The following DPP4 variants were observed in gnomAD, a reference collection of about 807,000 sequenced individuals.
DPP4 encodes ADCP-2.
In DPP4, 93 loss-of-function variants were observed where a neutral mutation model predicts 122.4. The ratio of observed to expected loss-of-function variants is 0.76; its 90% CI spans 0.64 to 0.90. The LOEUF (loss-of-function observed/expected upper bound fraction) is 0.90. Among genes scored for constraint, DPP4 ranks in the 40% least tolerant of loss-of-function variants. The pLI is 0.00. For missense variants in DPP4, 914 were observed against 907.3 expected (o/e 1.01, Z -0.09); for synonymous variants, 321 against 302.9 (o/e 1.06, Z -0.62).
intron 18 of DPP4, among the ~76,000 whole-genome samples, chr2:162,015,780 T>C (rs1009166603): frequency 1.3e-5 from 2 of 152,186 alleles, no homozygotes; most frequent in Admixed American, 1.3e-4. Flanking sequence ...CCAGTGTTCA[T>C]GACTGAAATA....
intron 10 of DPP4, among the ~76,000 whole-genome samples, chr2:162,031,110 T>C (rs1213617634): frequency 6.6e-6 from 1 of 152,186 alleles, no homozygotes; most frequent in Non-Finnish European, 1.5e-5. Flanking sequence ...TTAACTAACT[T>C]ATTCAAATAT....
At chr2:162,005,277 C>G (rs1469524823) in intron 23 of DPP4, among the ~76,000 whole-genome samples, 2 of 152,088 alleles carry the variant, frequency 1.3e-5, no homozygotes, top group African/African-American at 4.8e-5. Flanking sequence ...CCCAACTGTA[C>G]CTACCTCTCA....
chr2:162,033,669 C>A lies in DPP4; in HGVS notation c.775-16G>T. On this transcript the variant is annotated splice_polypyrimidine_tract_variant and intron_variant, in intron 9 of 25. Transcript: ENST00000360534. ...CAGCTCCTGCCTAGGAAAAAATAAT[C>A]ACAGAATTGGTATTGACAAAAAAAA... is the stretch of plus-strand genomic sequence containing the variant. 6.4e-7 allele frequency: 1 copy of A among 1,558,428 alleles called. No individual in the cohort carries two copies. The highest frequency in any genetic ancestry group is 8.7e-7 in the Non-Finnish European group (1 of 1,147,868).
intron 5 of DPP4, among the ~76,000 whole-genome samples, chr2:162,045,154 T>A (rs971534212): frequency 3.7e-4 from 56 of 152,000 alleles, no homozygotes; most frequent in Non-Finnish European, 6.8e-4. Context: ...CACATATCTA[T>A]GGAGGCTCTT....
chr2:162,067,000 C>A (rs891215710), intron 2 of DPP4, among the ~76,000 whole-genome samples: 2 of 152,248 alleles, frequency 1.3e-5, no homozygotes, highest in Non-Finnish European at 2.9e-5. Context: ...GACAAATACG[C>A]AATCATAGCA....
chr2:162,064,719 A>G (rs1440972761), intron 2 of DPP4, among the ~76,000 whole-genome samples: 1 of 152,212 alleles, frequency 6.6e-6, no homozygotes, highest in Non-Finnish European at 1.5e-5. Context: ...ATATTTTAAC[A>G]TTGCAATTCA....
At chr2:162,034,755 T>C (rs1683705805) in intron 9 of DPP4, among the ~76,000 whole-genome samples, 1 of 152,188 alleles carries the variant, frequency 6.6e-6, no homozygotes, top group Admixed American at 6.5e-5. Context: ...AAACTAGTCA[T>C]GTATCCCGTT....
chr2:162,070,287 T>C (rs953744251), intron 2 of DPP4, among the ~76,000 whole-genome samples: 1 of 152,136 alleles, frequency 6.6e-6, no homozygotes, highest in African/African-American at 2.4e-5. Flanking sequence ...TATTCTTAAA[T>C]ATATGACAAT....
chr2:162,033,862 G>GTATATATATATA (rs138320647), intron 9 of DPP4, among the ~76,000 whole-genome samples: 7,121 of 103,252 alleles, frequency 0.069, 375 homozygotes, highest in East Asian at 0.23. Flanking sequence ...CAGAATATGT[G>GTATATATATATA]TATATATATA....
At chr2:162,052,069 T>G (rs1281476607) in intron 2 of DPP4, among the ~76,000 whole-genome samples, 1 of 151,882 alleles carries the variant, frequency 6.6e-6, no homozygotes, top group Non-Finnish European at 1.5e-5. Flanking sequence ...CCCGTAATCC[T>G]AGCACTTGGG....
intron 25 of DPP4, among the ~76,000 whole-genome samples, chr2:161,994,158 T>G (rs1461711037): frequency 6.6e-6 from 1 of 152,222 alleles, no homozygotes; most frequent in East Asian, 1.9e-4. Flanking sequence ...CATTTGTCTT[T>G]TCTTTGAATA....
In DPP4 at chr2:162,035,456, G is replaced by T. The variant is rs17848919; in HGVS notation, c.614-132C>A. 1,046 of 727,754 alleles carry T rather than the reference G, an allele frequency of 1.4e-3. 11 individuals are homozygous for T. The East Asian group carries it at 0.025, about 18-fold the overall frequency. The allele number at this position is 727,754 out of a possible 1,614,324, so 45.1% of individuals were successfully genotyped here. A position where few individuals can be genotyped will look rare whatever the true frequency, so the allele number is the denominator to read the frequency against. On this transcript the variant is annotated intron_variant, in intron 8 of 25. Transcript: ENST00000360534. ...TAATGAACCACTTTGCATTTGCTGG[G>T]CTTCCAAAATCAGAGTAATACAAAT...
chr2:162,052,709 T>A (rs1684425106), intron 2 of DPP4, among the ~76,000 whole-genome samples: 1 of 152,102 alleles, frequency 6.6e-6, no homozygotes, highest in Admixed American at 6.6e-5. Context: ...AAAGCCTAGA[T>A]TACATCCACA....
At position 162,038,435 on chromosome 2, in the gene DPP4, A is replaced by G; in HGVS notation, c.493-13T>C. On this transcript the variant is annotated splice_polypyrimidine_tract_variant and intron_variant, in intron 7 of 25. Coordinates refer to ENST00000360534, the MANE Select transcript of DPP4 (RefSeq NM_001935.4). ...TCCAAACATATGCCTAGAAGGAAAAAAAACAAGCATTGATATCTATAATAC... is the reference window on the plus strand; with the variant it reads ...TCCAAACATATGCCTAGAAGGAAAAGAAACAAGCATTGATATCTATAATAC... The G allele has an allele frequency of 6.3e-7, 1 of 1,593,084 alleles. No individual in the cohort carries two copies. The highest frequency in any genetic ancestry group is 8.5e-7 in the Non-Finnish European group (1 of 1,172,324).
chr2:162,055,886 T>A (rs1181751482), intron 2 of DPP4, among the ~76,000 whole-genome samples: 1 of 152,196 alleles, frequency 6.6e-6, no homozygotes. Flanking sequence ...TGGGGTTTAG[T>A]TCCCCCTCCT....
At position 162,054,337 on chromosome 2, in the gene DPP4, T is replaced by G. The variant is rs1160251053; in HGVS notation, c.95-6836A>C. On this transcript the variant is annotated intron_variant, in intron 2 of 25. Transcript: ENST00000360534. The stretch of plus-strand genomic sequence containing the variant: ...AAACTTACCTTGGGTTTCACCTAAT[T>G]TAGGTAAAAACTAATTTAGATGAGA... Among the ~76,000 whole-genome samples, 3 of 152,132 alleles carry G rather than the reference T, an allele frequency of 2.0e-5. No homozygotes were observed. The East Asian group carries it at 5.8e-4, about 29-fold the overall frequency.
intron 2 of DPP4, among the ~76,000 whole-genome samples, chr2:162,051,621 T>C (rs982832670): frequency 2.6e-5 from 4 of 152,218 alleles, no homozygotes; most frequent in African/African-American, 7.2e-5. Flanking sequence ...GTATCTATGA[T>C]GGGTATAAAG....
Position 162,011,845 on chromosome 2 carries a change from T to C in DPP4, c.1780A>G (p.Ile594Val). ...TCAAATGTTCCCAGTCTTCTGTTGATTGCATGCATGATCTTATCTCCTTGG... is the reference window on the plus strand; with the variant it reads ...TCAAATGTTCCCAGTCTTCTGTTGACTGCATGCATGATCTTATCTCCTTGG... ...GYQGDKIMHAINRRLGTFEVE... is the reference protein window; with the variant it reads ...GYQGDKIMHAVNRRLGTFEVE... The change falls in exon 20 of 26, where the codon ATC becomes GTC. Residue 594 changes from isoleucine to valine, a missense_variant. Coordinates refer to ENST00000360534, the MANE Select transcript of DPP4 (RefSeq NM_001935.4). 2 of 1,613,752 alleles carry C rather than the reference T, an allele frequency of 1.2e-6. No individual in the cohort carries two copies. Among genetic ancestry groups the C allele is most frequent in the Non-Finnish European group, 1.7e-6 (2 of 1,179,744 alleles).
intron 2 of DPP4, among the ~76,000 whole-genome samples, chr2:162,055,901 T>G (rs1312177783): frequency 6.6e-6 from 1 of 152,194 alleles, no homozygotes; most frequent in Admixed American, 6.5e-5. Flanking sequence ...CCTCCTCCTA[T>G]GCCTCCTTCT....
Sources: gnomAD v4.1 joint callset for allele counts (sites outside exome capture counted in the v4.1 genomes callset) on GRCh38, gnomAD v4.1.1 for gene constraint, MANE v1.5 for transcripts, NCBI Gene and HGNC (gene_info 2026-07-23, HGNC 2026-07-21) for gene names.